CCSER1: variants seen among roughly 807,000 people sequenced by gnomAD.
The protein encoded by CCSER1 is serine-rich coiled-coil domain-containing protein 1.
In CCSER1, 41 loss-of-function variants were observed where a neutral mutation model predicts 82.0. The observed-to-expected ratio is 0.50, with a 90% CI of 0.39 to 0.65. The LOEUF (loss-of-function observed/expected upper bound fraction) is 0.65, where lower values mean the gene tolerates loss of function less well. CCSER1 is among the 30% of genes least tolerant of loss of function. The pLI is 0.00. For missense variants in CCSER1, 1,119 were observed against 1,064.2 expected (o/e 1.05, Z -0.72); for synonymous variants, 414 against 383.9 (o/e 1.08, Z -0.92).
chr4:90,168,075 G>A (rs1182990625), intron 1 of CCSER1, among the ~76,000 whole-genome samples: 4 of 152,102 alleles, frequency 2.6e-5, no homozygotes, highest in African/African-American at 9.7e-5. Context: ...GGTTGAACTA[G>A]TTTACAGTTC....
chr4:90,241,315 A>T (rs143479779), intron 1 of CCSER1, among the ~76,000 whole-genome samples: 8 of 152,192 alleles, frequency 5.3e-5, no homozygotes, highest in Non-Finnish European at 1.2e-4. Context: ...TGAGTTGCCA[A>T]CTATTATATA....
intron 10 of CCSER1, among the ~76,000 whole-genome samples, chr4:91,520,035 T>A (rs113858699): frequency 6.9e-4 from 105 of 152,318 alleles, no homozygotes; most frequent in African/African-American, 2.4e-3. Flanking sequence ...AAGGTGAGAT[T>A]TATTTCTGCC....
chr4:90,790,629 A>C (rs1200648960), intron 7 of CCSER1, among the ~76,000 whole-genome samples: 1 of 152,172 alleles, frequency 6.6e-6, no homozygotes, highest in Admixed American at 6.5e-5. Flanking sequence ...GAGGCAAATT[A>C]CTACAAACTG....
At chr4:90,334,584 CAA>C (rs1740010432) in intron 3 of CCSER1, among the ~76,000 whole-genome samples, 3 of 151,818 alleles carry the variant, frequency 2.0e-5, no homozygotes, top group Admixed American at 6.6e-5. Flanking sequence ...AGCATTTAGC[CAA>C]AGTTTCATAT....
intron 3 of CCSER1, among the ~76,000 whole-genome samples, chr4:90,372,481 C>A (rs781378234): frequency 6.6e-6 from 1 of 151,934 alleles, no homozygotes; most frequent in Non-Finnish European, 1.5e-5. Context: ...GGGGGCTGGG[C>A]GCTCAGGCCT....
chr4:90,459,534 G>A (rs1762617917), intron 4 of CCSER1, among the ~76,000 whole-genome samples: 1 of 152,096 alleles, frequency 6.6e-6, no homozygotes. Context: ...TGTGTCCGTA[G>A]AGTTGATTTC....
At chr4:91,381,051 C>A (rs1750849900) in intron 10 of CCSER1, among the ~76,000 whole-genome samples, 1 of 152,134 alleles carries the variant, frequency 6.6e-6, no homozygotes. Context: ...AAATTCTTTT[C>A]TTTAAGAATG....
chr4:90,563,161 G>C (rs1778982192), intron 5 of CCSER1, among the ~76,000 whole-genome samples: 1 of 151,708 alleles, frequency 6.6e-6, no homozygotes, highest in Admixed American at 6.6e-5. Context: ...AGCCAGGCTG[G>C]AGTGCAGTGG....
chr4:90,667,902 G>A (rs1207767129), intron 6 of CCSER1, among the ~76,000 whole-genome samples: 2 of 152,130 alleles, frequency 1.3e-5, no homozygotes, highest in African/African-American at 2.4e-5. Flanking sequence ...TTTTTAGACT[G>A]AAAATCTATG....
At chr4:90,481,052 C>G (rs141325117) in intron 5 of CCSER1, among the ~76,000 whole-genome samples, 2,419 of 152,048 alleles carry the variant, frequency 0.016, 38 homozygotes, top group African/African-American at 0.047. Context: ...CTTTTATTTC[C>G]TTGAGCAGTG....
At chr4:91,040,736 C>T (rs1741890796) in intron 9 of CCSER1, among the ~76,000 whole-genome samples, 1 of 152,090 alleles carries the variant, frequency 6.6e-6, no homozygotes, top group African/African-American at 2.4e-5. Flanking sequence ...GATTTACTGT[C>T]CTGGGAGAAA....
rs534587880 is a variant in CCSER1, at chr4:91,415,301, C to A, written c.2218-183271C>A. On this transcript the variant is annotated intron_variant, in intron 10 of 10. Transcript: ENST00000509176. The stretch of plus-strand genomic sequence containing the variant: ...TGAAGTGGCTAATCAGCTTAACAAG[C>A]TTTTGGGCTGAGTTGATGATGGGGT... 8.5e-5 allele frequency among the ~76,000 whole-genome samples: 13 copies of A among 152,114 alleles called. 1 individual carries two copies. Among genetic ancestry groups the A allele is most frequent in the Admixed American group, 6.6e-4 (10 of 15,262 alleles).
At chr4:90,391,834 G>C (rs1339631346) in intron 3 of CCSER1, among the ~76,000 whole-genome samples, 1 of 151,660 alleles carries the variant, frequency 6.6e-6, no homozygotes, top group Admixed American at 6.6e-5. Flanking sequence ...TTTTATATGT[G>C]AAAGTTTTAA....
At chr4:91,399,038 G>GT (rs1752162267) in intron 10 of CCSER1, among the ~76,000 whole-genome samples, 2 of 151,770 alleles carry the variant, frequency 1.3e-5, no homozygotes, top group Admixed American at 1.3e-4. Flanking sequence ...AAAAGAAATC[G>GT]TGAGATGTGT....
At chr4:90,641,508 T>C (rs143182816) in intron 6 of CCSER1, among the ~76,000 whole-genome samples, 18 of 152,302 alleles carry the variant, frequency 1.2e-4, no homozygotes, top group East Asian at 3.9e-4. Flanking sequence ...TGAAATCTTA[T>C]ATTAAAAAAC....
chr4:90,263,657 C>T (rs72877790), intron 1 of CCSER1, among the ~76,000 whole-genome samples: 6,817 of 152,090 alleles, frequency 0.045, 397 homozygotes, highest in African/African-American at 0.13. Context: ...ACAGAGGTGG[C>T]GCTTGAAAAG....
intron 1 of CCSER1, among the ~76,000 whole-genome samples, chr4:90,232,904 C>A (rs1162193014): frequency 2.0e-5 from 3 of 151,388 alleles, no homozygotes; most frequent in South Asian, 4.2e-4. Flanking sequence ...CAGAGAAATG[C>A]AAATCAAAAC....
intron 7 of CCSER1, among the ~76,000 whole-genome samples, chr4:90,802,232 T>A (rs115623558): frequency 1.4e-5 from 2 of 147,762 alleles, no homozygotes; most frequent in Non-Finnish European, 3.0e-5. Flanking sequence ...AAAAATAAAT[T>A]AATTACAAAT....
chr4:90,165,816 C>G (rs1046502947), intron 1 of CCSER1, among the ~76,000 whole-genome samples: 1 of 151,838 alleles, frequency 6.6e-6, no homozygotes, highest in Admixed American at 6.6e-5. Flanking sequence ...AAGTATGAGG[C>G]AAGCTGTGTT....
Sources: allele counts gnomAD v4.1 joint callset (sites outside exome capture counted in the v4.1 genomes callset), GRCh38; gene constraint gnomAD v4.1.1; transcripts MANE v1.5; gene names NCBI Gene and HGNC (gene_info 2026-07-23, HGNC 2026-07-21).